The following PTK2 variants were observed in gnomAD, a reference collection of about 807,000 sequenced individuals.
PTK2 encodes the protein protein tyrosine kinase 2.
Under a neutral mutation model 150.1 loss-of-function variants are expected in PTK2, and 45 were observed. That is an observed-to-expected ratio of 0.30 (90% CI 0.24 to 0.38). The LOEUF is 0.38. PTK2 is among the 10% of genes least tolerant of loss of function. The pLI is 1.00. For missense variants in PTK2, 919 were observed against 1,307.3 expected, an observed-to-expected ratio of 0.70 and a Z score of 4.58; for synonymous variants, 432 against 449.2, an observed-to-expected ratio of 0.96 and a Z score of 0.48.
chr8:140,926,333 C>G lies in PTK2; in HGVS notation c.-121-584G>C, dbSNP rs567210394. ...GTGCAGAGCTGGGATATGCATCAGG[C>G]ACTTGGACACCAGCCAGATGACACA... is the stretch of plus-strand genomic sequence containing the variant. On this transcript the variant is annotated intron_variant, in intron 1 of 31. Transcript: ENST00000522684. Among the ~76,000 whole-genome samples the G allele has an allele frequency of 4.6e-5, 7 of 152,262 alleles. No homozygotes were observed. In the South Asian group the frequency reaches 1.5e-3, roughly 32 times the overall value.
chr8:140,698,273 C>T (rs940344030), intron 26 of PTK2, among the ~76,000 whole-genome samples: 1 of 152,140 alleles, frequency 6.6e-6, no homozygotes, highest in African/African-American at 2.4e-5. Flanking sequence ...AATACAAGAA[C>T]TCTAGTTTGG....
intron 5 of PTK2, among the ~76,000 whole-genome samples, chr8:140,851,563 A>G (rs1044767323): frequency 6.6e-6 from 1 of 152,194 alleles, no homozygotes; most frequent in Admixed American, 6.5e-5. Context: ...AATTTTATTA[A>G]AAGTAAATGA....
chr8:140,735,284 C>T (rs2100051944), exon 22 of PTK2: 4 of 1,613,880 alleles, frequency 2.5e-6, no homozygotes, highest in African/African-American at 1.3e-5. Context: ...AAACCTGGGC[C>T]GCCTGCTGGG....
intron 22 of PTK2, among the ~76,000 whole-genome samples, chr8:140,720,372 T>C (rs1023794617): frequency 2.0e-5 from 3 of 152,092 alleles, no homozygotes; most frequent in Admixed American, 6.5e-5. Context: ...TCATGATCTA[T>C]TAGATGTTTA....
chr8:140,906,574 T>C (rs942729542), intron 2 of PTK2, among the ~76,000 whole-genome samples: 4 of 152,052 alleles, frequency 2.6e-5, no homozygotes, highest in Non-Finnish European at 4.4e-5. Context: ...GAAAGACAAA[T>C]ATGGCATGTT....
chr8:140,745,128 C>G (rs996661329), intron 18 of PTK2, among the ~76,000 whole-genome samples: 6 of 152,086 alleles, frequency 3.9e-5, no homozygotes, highest in Non-Finnish European at 8.8e-5. Flanking sequence ...CCAAACAAGG[C>G]TAATACACAG....
intron 2 of PTK2, among the ~76,000 whole-genome samples, chr8:140,894,695 G>T (rs986947618): frequency 2.6e-5 from 4 of 152,184 alleles, no homozygotes; most frequent in Non-Finnish European, 1.5e-5. Flanking sequence ...AAATGTATCT[G>T]CTCATATGTG....
intron 10 of PTK2, among the ~76,000 whole-genome samples, chr8:140,812,101 C>G (rs1364409294): frequency 6.6e-6 from 1 of 152,060 alleles, no homozygotes; most frequent in Non-Finnish European, 1.5e-5. Context: ...CAAGACACAT[C>G]ATCATGAAAT....
chr8:140,845,870 T>G (rs952818282), intron 7 of PTK2, among the ~76,000 whole-genome samples: 1 of 152,210 alleles, frequency 6.6e-6, no homozygotes, highest in Non-Finnish European at 1.5e-5. Flanking sequence ...TATTCTAGAT[T>G]TTTCTGATAC....
chr8:140,693,803 T>C (rs1312869934), intron 26 of PTK2, among the ~76,000 whole-genome samples: 1 of 152,052 alleles, frequency 6.6e-6, no homozygotes, highest in Non-Finnish European at 1.5e-5. Context: ...AATGATGTGA[T>C]GATGTGATCT....
intron 10 of PTK2, among the ~76,000 whole-genome samples, chr8:140,807,232 A>G (rs963289730): frequency 6.6e-6 from 1 of 152,284 alleles, no homozygotes; most frequent in South Asian, 2.1e-4. Context: ...GATAAGGACT[A>G]TAACAAAGCA....
At chr8:140,979,505 T>C (rs1489098805) in intron 1 of PTK2, among the ~76,000 whole-genome samples, 2 of 150,992 alleles carry the variant, frequency 1.3e-5, no homozygotes, top group Non-Finnish European at 2.9e-5. Context: ...TAAGGGAAGT[T>C]CAAATTAAAG....
intron 1 of PTK2, among the ~76,000 whole-genome samples, chr8:140,988,581 T>C (rs1030721503): frequency 2.6e-5 from 4 of 151,860 alleles, no homozygotes. Context: ...TACAAAAAAA[T>C]AGCAGGGCAT....
chr8:140,989,036 A>T (rs2100194522), intron 1 of PTK2, among the ~76,000 whole-genome samples: 1 of 151,972 alleles, frequency 6.6e-6, no homozygotes, highest in African/African-American at 2.4e-5. Context: ...TATAAAGGAA[A>T]AGACTGATAA....
At chr8:140,884,898 A>G (rs999504349) in intron 3 of PTK2, among the ~76,000 whole-genome samples, 1 of 152,202 alleles carries the variant, frequency 6.6e-6, no homozygotes, top group Non-Finnish European at 1.5e-5. Flanking sequence ...TCCATTTACT[A>G]TTACAGATTC....
chr8:140,810,749 C>G (rs2100101024), intron 10 of PTK2, among the ~76,000 whole-genome samples: 1 of 152,168 alleles, frequency 6.6e-6, no homozygotes, highest in Non-Finnish European at 1.5e-5. Context: ...GCCAACCAGC[C>G]CTGTCCCCAC....
At chr8:140,752,350 T>C (rs2100063259) in intron 16 of PTK2, 34 bp from the exon 20 acceptor site, 1 of 1,578,080 alleles carries the variant, frequency 6.3e-7, no homozygotes, top group Non-Finnish European at 8.7e-7. Context: ...CACACACACA[T>C]GCAAAAAGGT....
chr8:140,866,721 G>A (rs2100139536), intron 4 of PTK2, among the ~76,000 whole-genome samples: 2 of 152,286 alleles, frequency 1.3e-5, no homozygotes, highest in East Asian at 3.9e-4. Context: ...CAGTTGGAGT[G>A]GTTGGAAATT....
At chr8:140,765,823 C>CA (rs959568704) in intron 14 of PTK2, among the ~76,000 whole-genome samples, 1 of 151,986 alleles carries the variant, frequency 6.6e-6, no homozygotes, top group Non-Finnish European at 1.5e-5. Context: ...ACACTTGCAA[C>CA]AAAAAAGACT....
Sources: allele counts gnomAD v4.1 joint callset (sites outside exome capture counted in the v4.1 genomes callset), GRCh38; gene constraint gnomAD v4.1.1; transcripts MANE v1.5; gene names NCBI Gene and HGNC (gene_info 2026-07-23, HGNC 2026-07-21).